MKX: variants seen among roughly 807,000 people sequenced by gnomAD.
MKX encodes the protein homeobox protein Mohawk.
In MKX, 13 loss-of-function variants were observed where a neutral mutation model predicts 36.0. That is an observed-to-expected ratio of 0.36 (90% CI 0.24 to 0.57). MKX has a LOEUF of 0.57. Among genes scored for constraint, MKX ranks in the 20% least tolerant of loss-of-function variants. The pLI, the probability that MKX is intolerant of heterozygous loss-of-function variation, is 0.79. For missense variants in MKX, 458 were observed against 456.4 expected, an observed-to-expected ratio of 1.00 and a Z score of -0.03; for synonymous variants, 176 against 178.3, an observed-to-expected ratio of 0.99 and a Z score of 0.10.
intron 5 of MKX, among the ~76,000 whole-genome samples, chr10:27,714,528 C>T (rs928674992): frequency 3.3e-5 from 5 of 152,086 alleles, no homozygotes; most frequent in African/African-American, 1.2e-4. Flanking sequence ...TTTGTGGTTT[C>T]GAAACTATGG....
At position 27,742,990 on chromosome 10, in the gene MKX, G is replaced by T. The variant is rs1834943107; in HGVS notation, c.188+238C>A. The stretch of plus-strand genomic sequence containing the variant: ...GGAGGGCCGAGGGGCAGCTCCTGGC[G>T]CCCTTAGTCTCCACCAAGCTCTTTG... On this transcript the variant is annotated intron_variant, in intron 2 of 6. Transcript: ENST00000419761. This position sits in a 1 kb window ranked among gnomAD's most constrained non-coding sequence, Gnocchi z 4.2. Among the ~76,000 whole-genome samples the T allele has an allele frequency of 2.0e-5, 3 of 152,184 alleles. No individual in the cohort carries two copies. In the South Asian group the frequency reaches 6.2e-4, roughly 31 times the overall value.
At chr10:27,688,904 A>G (rs1836404002) in intron 5 of MKX, among the ~76,000 whole-genome samples, 1 of 152,240 alleles carries the variant, frequency 6.6e-6, no homozygotes, top group Non-Finnish European at 1.5e-5. Context: ...GTGTTAGGCT[A>G]CAAAGGACTA....
At chr10:27,721,006 C>G (rs1001188230) in intron 5 of MKX, among the ~76,000 whole-genome samples, 2 of 152,014 alleles carry the variant, frequency 1.3e-5, no homozygotes, top group East Asian at 1.9e-4. Context: ...AGAAATTAAC[C>G]TAATGAGAAA....
intron 1 of MKX, 191 bp from the exon 2 acceptor site, chr10:27,743,688 C>T (rs1186038854): frequency 2.1e-6 from 1 of 475,558 alleles, no homozygotes; most frequent in Non-Finnish European, 3.7e-6. Context: ...GTTCCCCGGA[C>T]AGGTACCTGC....
chr10:27,691,538 G>T (rs1437819920), intron 5 of MKX, among the ~76,000 whole-genome samples: 1 of 152,104 alleles, frequency 6.6e-6, no homozygotes. Flanking sequence ...AATGAACCAA[G>T]ATTTTTTTTT....
intron 5 of MKX, among the ~76,000 whole-genome samples, chr10:27,705,346 CT>C (rs1353360409): frequency 6.6e-6 from 1 of 152,052 alleles, no homozygotes; most frequent in African/African-American, 2.4e-5. Flanking sequence ...GGATATATAT[CT>C]GTTTTTTTTG....
chr10:27,680,535 T>C (rs534604022), intron 5 of MKX, among the ~76,000 whole-genome samples: 1 of 152,100 alleles, frequency 6.6e-6, no homozygotes, highest in Non-Finnish European at 1.5e-5. Context: ...CAACTTGAGA[T>C]AGCTAAGCAA....
intron 5 of MKX, among the ~76,000 whole-genome samples, chr10:27,679,132 G>T (rs1451772782): frequency 6.6e-6 from 1 of 152,024 alleles, no homozygotes; most frequent in Non-Finnish European, 1.5e-5. Flanking sequence ...GAGGTGGGGG[G>T]CTGGGGGAGG....
At chr10:27,725,632 C>T (rs1311090717) in intron 5 of MKX, among the ~76,000 whole-genome samples, 1 of 136,854 alleles carries the variant, frequency 7.3e-6, no homozygotes, top group East Asian at 2.2e-4. Context: ...ATTTTAGAAA[C>T]AAAGTAGGGA....
chr10:27,695,641 T>C (rs1274563975), intron 5 of MKX, among the ~76,000 whole-genome samples: 1 of 152,148 alleles, frequency 6.6e-6, no homozygotes, highest in Non-Finnish European at 1.5e-5. Context: ...AAGGAATCTA[T>C]ATTTATGTTG....
intron 5 of MKX, among the ~76,000 whole-genome samples, chr10:27,709,770 A>G (rs144078903): frequency 6.6e-6 from 1 of 152,162 alleles, no homozygotes; most frequent in Non-Finnish European, 1.5e-5. Flanking sequence ...TCCTCCCACC[A>G]CCACCACCAT....
chr10:27,689,420 C>T (rs147927334), intron 5 of MKX, among the ~76,000 whole-genome samples: 4 of 152,256 alleles, frequency 2.6e-5, no homozygotes, highest in East Asian at 3.9e-4. Context: ...CTTGGCATGT[C>T]GGTGTTCTGG....
chr10:27,733,258 T>C (rs1182760710), intron 5 of MKX, among the ~76,000 whole-genome samples: 2 of 152,184 alleles, frequency 1.3e-5, no homozygotes, highest in African/African-American at 2.4e-5. Context: ...GTCTCATATA[T>C]ATTTGTAAAC....
chr10:27,717,182 T>C (rs1338641459), intron 5 of MKX, among the ~76,000 whole-genome samples: 1 of 152,080 alleles, frequency 6.6e-6, no homozygotes, highest in Non-Finnish European at 1.5e-5. Flanking sequence ...ACGTGGGTTC[T>C]CTCTTAGAGC....
chr10:27,677,545 G>A (rs1193869591), intron 5 of MKX, among the ~76,000 whole-genome samples: 1 of 152,204 alleles, frequency 6.6e-6, no homozygotes, highest in Non-Finnish European at 1.5e-5. Flanking sequence ...AAGCTTCGAT[G>A]CCCTCTCTGA....
At chr10:27,734,356 T>C in intron 5 of MKX, 100 bp downstream of exon 5, 1 of 1,073,150 alleles carries the variant, frequency 9.3e-7, no homozygotes, top group South Asian at 1.6e-5. Flanking sequence ...ATGTGAATAA[T>C]CTGATGTCTT....
intron 2 of MKX, among the ~76,000 whole-genome samples, chr10:27,743,009 C>G (rs1356130289): frequency 1.3e-5 from 2 of 152,260 alleles, no homozygotes; most frequent in Non-Finnish European, 2.9e-5. Context: ...CTCCACCAAG[C>G]TCTTTGGAGC....
chr10:27,743,310 T>C lies in MKX; in HGVS notation c.106A>G (p.Ser36Gly), dbSNP rs781598276. Reference sequence around the variant, plus strand: ...CCCACCTCGGGGCGGGCGTGAGGACTGTCCAGGACACCGCTGTAGGGCCGG... The same window carrying C: ...CCCACCTCGGGGCGGGCGTGAGGACCGTCCAGGACACCGCTGTAGGGCCGG... ...GGRPYSGVLD[S>G]PHARPEVGIP... The change falls in exon 2 of 7, where the codon AGT becomes GGT. Residue 36 changes from serine to glycine, a missense_variant. By Grantham distance (56) the Ser-to-Gly change is moderately conservative. Around this residue, in one of 3 missense-constraint regions of MKX, gnomAD observed 149 missense variants for 114.3 expected, o/e 1.30. Coordinates refer to ENST00000419761, the MANE Select transcript of MKX (RefSeq NM_173576.3). 213 of 1,564,948 alleles carry C rather than the reference T, an allele frequency of 1.4e-4. No individual in the cohort carries two copies. Among genetic ancestry groups the C allele is most frequent in the Admixed American group, 3.7e-4 (19 of 51,092 alleles).
In MKX at chr10:27,744,250, C is replaced by T. The variant is rs1834995710; in HGVS notation, c.-82-753G>A. Among the ~76,000 whole-genome samples, 1 of 152,094 alleles carries T rather than the reference C, an allele frequency of 6.6e-6. No individual in the cohort carries two copies. The highest frequency in any genetic ancestry group is 1.5e-5 in the Non-Finnish European group (1 of 68,002). ...GTCCTAAGGTCCAAGGCGCCAGGAC[C>T]CAGGTCCCCAGAGCCCTCAATCAGT... is the stretch of plus-strand genomic sequence containing the variant. On this transcript the variant is annotated intron_variant, in intron 1 of 6. Transcript: ENST00000419761. The surrounding 1 kb of genome is among the most constrained non-coding windows in gnomAD (Gnocchi z 5.6).
Sources: gnomAD v4.1 joint callset for allele counts (sites outside exome capture counted in the v4.1 genomes callset) on GRCh38, gnomAD v4.1.1 for gene constraint, gnomAD v4.1.1 regional missense constraint, Gnocchi (gnomAD v3.1) non-coding constraint, MANE v1.5 for transcripts, NCBI Gene and HGNC (gene_info 2026-07-23, HGNC 2026-07-21) for gene names.